ZNF534: variants seen among roughly 807,000 people sequenced by gnomAD.
The protein encoded by ZNF534 is KRAB domain only 3.
In ZNF534, 19 loss-of-function variants were observed where a neutral mutation model predicts 13.6. The observed-to-expected ratio is 1.40, with a 90% CI of 0.97 to 2.05. The LOEUF is 2.05. ZNF534 is among the 30% of genes most tolerant of loss of function. The pLI, the probability that ZNF534 is intolerant of heterozygous loss-of-function variation, is 0.00. For synonymous variants in ZNF534, 244 were observed against 273.8 expected (o/e 0.89, Z 1.07); for missense variants, 782 against 796.3 (o/e 0.98, Z 0.22).
rs970555079 is a variant in ZNF534, at chr19:52,442,287, G to A, written c.*2841G>A. Among the ~76,000 whole-genome samples, 3 of 152,278 alleles carry A rather than the reference G, an allele frequency of 2.0e-5. No individual in the cohort carries two copies. Among genetic ancestry groups the A allele is most frequent in the Non-Finnish European group, 4.4e-5 (3 of 68,024 alleles). On this transcript the variant is annotated 3_prime_UTR_variant, in exon 5 of 5. Transcript: ENST00000433050. Reference sequence around the variant, plus strand: ...ACCAGAATGATGGCAAAGAACACCTGGCCCACCCAGGGCAGAAAAACCGCT... The same window carrying A: ...ACCAGAATGATGGCAAAGAACACCTAGCCCACCCAGGGCAGAAAAACCGCT...
chr19:52,429,896 A>G (rs780478287), intron 1 of ZNF534, among the ~76,000 whole-genome samples: 55 of 150,744 alleles, frequency 3.6e-4, no homozygotes, highest in Non-Finnish European at 6.7e-4. Flanking sequence ...TACTTGGCCA[A>G]TAGTCTTTTG....
chr19:52,446,930 A>G (rs2059196580), downstream of ZNF534, among the ~76,000 whole-genome samples: 1 of 152,172 alleles, frequency 6.6e-6, no homozygotes, highest in African/African-American at 2.4e-5. Flanking sequence ...CAATGCTGTG[A>G]TTGTTCTTCA....
rs11084163 is a variant in ZNF534, at chr19:52,435,206, A to C, written c.268A>C (p.Thr90Pro). The C allele has an allele frequency of 1.2e-6, 2 of 1,608,130 alleles. No individual in the cohort carries two copies. Among genetic ancestry groups the C allele is most frequent in the African/African-American group, 2.7e-5 (2 of 74,594 alleles). ...CAGGGAGTGCATCAAAGGTGTGAAC[A>C]CAGGTGAGAGCTCAGGTGGGCAGAG... ...DGRECIKGVN[T>P]EKSSKLGSSA... The change falls in exon 4 of 5, where the codon ACA becomes CCA. Residue 90 changes from threonine to proline, a missense_variant. Coordinates refer to ENST00000433050, the MANE Select transcript of ZNF534 (RefSeq NM_001143938.3).
In ZNF534 at chr19:52,438,648, C is replaced by T. The variant is rs1268772322; in HGVS notation, c.1188C>T (p.Arg396=). The T allele has an allele frequency of 4.4e-6, 7 of 1,584,928 alleles. No homozygotes were observed. Among genetic ancestry groups the T allele is most frequent in the Admixed American group, 1.8e-5 (1 of 54,968 alleles). ...GCAAGGTCTTTATTGGCAATTCACG[C>T]CTTGCACGACATAGGAAAATTCATA... ...ECGKVFIGNS[R]LARHRKIHTG... The change falls in exon 5 of 5, where the codon CGC becomes CGT. Residue 396 remains arginine, a synonymous_variant. Transcript: ENST00000433050.
chr19:52,438,695 G>A lies in ZNF534; in HGVS notation c.1235G>A (p.Cys412Tyr), dbSNP rs768257937. Residue 412 changes from cysteine to tyrosine, a missense_variant, in exon 5 of 5, where the codon TGT becomes TAT. This residue lies in a region of ZNF534 where 591 missense variants were observed against 574.0 expected (regional missense o/e 1.03). Coordinates refer to ENST00000433050, the MANE Select transcript of ZNF534 (RefSeq NM_001143938.3). ...CATACTGGGGGGAGGCGTTACAAAT[G>A]TAATGAATGTGGCAAAGCATTTAGA... ...KIHTGGRRYK[C>Y]NECGKAFRTC... 1 of 1,582,198 alleles carries A rather than the reference G, an allele frequency of 6.3e-7. No homozygotes were observed. Among genetic ancestry groups the A allele is most frequent in the Non-Finnish European group, 8.6e-7 (1 of 1,163,244 alleles).
downstream of ZNF534, among the ~76,000 whole-genome samples, chr19:52,444,687 G>C (rs1420432036): frequency 6.6e-6 from 1 of 152,016 alleles, no homozygotes; most frequent in Non-Finnish European, 1.5e-5. Context: ...CTGCTGTGGG[G>C]GATGGGGTTG....
intron 2 of ZNF534, chr19:52,433,746 T>C: frequency 1.6e-6 from 1 of 635,930 alleles, no homozygotes. Flanking sequence ...AAATGAGACA[T>C]CTACTCTGAT....
At chr19:52,435,348 T>C in intron 4 of ZNF534, 139 bp downstream of exon 4, 4 of 1,053,714 alleles carry the variant, frequency 3.8e-6, no homozygotes, top group South Asian at 4.5e-5. Context: ...GGGATCCTTC[T>C]GGCTTGGTCT....
chr19:52,433,601 C>A (rs756042195), intron 2 of ZNF534, among the ~76,000 whole-genome samples: 7 of 152,170 alleles, frequency 4.6e-5, no homozygotes, highest in Non-Finnish European at 8.8e-5. Flanking sequence ...CTCCTGACCT[C>A]GTGATCCGAC....
At chr19:52,447,781 T>G (rs1205608406) in intron 4 of ZNF534, among the ~76,000 whole-genome samples, 2 of 152,204 alleles carry the variant, frequency 1.3e-5, no homozygotes, top group Non-Finnish European at 2.9e-5. Flanking sequence ...TAAACCCCAT[T>G]AAATCATGGA....
At chr19:52,432,930 C>G (rs1454366724) in intron 2 of ZNF534, among the ~76,000 whole-genome samples, 1 of 151,946 alleles carries the variant, frequency 6.6e-6, no homozygotes, top group Admixed American at 6.6e-5. Flanking sequence ...GCGCCCGGCC[C>G]AGATTTTGAC....
At chr19:52,435,495 A>G (rs932496749) in intron 4 of ZNF534, among the ~76,000 whole-genome samples, 5 of 151,862 alleles carry the variant, frequency 3.3e-5, no homozygotes. Flanking sequence ...GTGAACAGAC[A>G]TTTTTCATTT....
chr19:52,449,291 G>A (rs1209196245), intron 4 of ZNF534, among the ~76,000 whole-genome samples: 1 of 152,048 alleles, frequency 6.6e-6, no homozygotes, highest in African/African-American at 2.4e-5. Flanking sequence ...TGGCTATTGA[G>A]AACAGTGCTA....
At chr19:52,433,266 A>C (rs1030145875) in intron 2 of ZNF534, among the ~76,000 whole-genome samples, 6 of 151,586 alleles carry the variant, frequency 4.0e-5, no homozygotes, top group Admixed American at 2.6e-4. Flanking sequence ...AAAAAGAAAG[A>C]AAGCACTGTA....
chr19:52,445,764 CCACACA>C (rs1330716989), downstream of ZNF534, among the ~76,000 whole-genome samples: 1 of 14,890 alleles, frequency 6.7e-5, no homozygotes, highest in African/African-American at 2.5e-4. Flanking sequence ...ATGCAGGACT[CCACACA>C]CTACTGTCCA....
In ZNF534 at chr19:52,438,467, G is replaced by C. The variant is rs777044212; in HGVS notation, c.1007G>C (p.Arg336Thr). The C allele has an allele frequency of 3.1e-6, 5 of 1,603,446 alleles. No individual in the cohort carries two copies. The highest frequency in any genetic ancestry group is 1.7e-4 in the Middle Eastern group (1 of 6,046). The part of the protein sequence containing the change: ...YDCKECGKVF[R>T]HKSSLTTHQT... ...TGTAAGGAATGTGGCAAGGTCTTCA[G>C]GCATAAGTCTTCCCTAACCACTCAT... Residue 336 changes from arginine to threonine, a missense_variant, in exon 5 of 5, where the codon AGG becomes ACG. Coordinates refer to ENST00000433050, the MANE Select transcript of ZNF534 (RefSeq NM_001143938.3).
chr19:52,445,674 A>G (rs1170275327), downstream of ZNF534, among the ~76,000 whole-genome samples: 6 of 152,310 alleles, frequency 3.9e-5, no homozygotes, highest in East Asian at 1.9e-4. Flanking sequence ...AGCAAGAGCA[A>G]CCAACTTCCT....
chr19:52,432,446 A>G (rs2059093989), intron 2 of ZNF534, among the ~76,000 whole-genome samples: 1 of 152,136 alleles, frequency 6.6e-6, no homozygotes, highest in Admixed American at 6.5e-5. Flanking sequence ...GCTAGCGTGT[A>G]TGTGAAAGAG....
At chr19:52,444,378 C>T (rs1345326390), downstream of ZNF534, among the ~76,000 whole-genome samples, 1 of 152,138 alleles carries the variant, frequency 6.6e-6, no homozygotes, top group Non-Finnish European at 1.5e-5. Context: ...CAGCTGTGGA[C>T]ACCAGGACCT....
Sources: allele counts gnomAD v4.1 joint callset (sites outside exome capture counted in the v4.1 genomes callset), GRCh38; gene constraint gnomAD v4.1.1; regional missense constraint gnomAD v4.1.1; transcripts MANE v1.5; gene names NCBI Gene and HGNC (gene_info 2026-07-23, HGNC 2026-07-21).